TTC17: variants seen among roughly 807,000 people sequenced by gnomAD.
TTC17 encodes the protein tetratricopeptide repeat protein 17.
A neutral mutation model predicts 143.8 loss-of-function variants in TTC17; 58 were observed. The observed-to-expected ratio is 0.40, with a 90% CI of 0.33 to 0.50. The LOEUF (loss-of-function observed/expected upper bound fraction) is 0.50, where lower values mean the gene tolerates loss of function less well. TTC17 is among the 20% of genes least tolerant of loss of function. The pLI, the probability that TTC17 is intolerant of heterozygous loss-of-function variation, is 0.49. For missense variants in TTC17, 1,273 were observed against 1,392.5 expected, an observed-to-expected ratio of 0.91 and a Z score of 1.37; for synonymous variants, 501 against 497.8, an observed-to-expected ratio of 1.01 and a Z score of -0.09.
At chr11:43,484,884 C>G (rs540576456) in intron 21 of TTC17, among the ~76,000 whole-genome samples, 1 of 152,074 alleles carries the variant, frequency 6.6e-6, no homozygotes, top group African/African-American at 2.4e-5. Flanking sequence ...TTTACAGCCA[C>G]TCCCCATCGC....
intron 2 of TTC17, among the ~76,000 whole-genome samples, chr11:43,382,298 G>A (rs997147426): frequency 6.6e-6 from 1 of 152,154 alleles, no homozygotes; most frequent in Non-Finnish European, 1.5e-5. Flanking sequence ...ATTTCTGCAA[G>A]AAGAAAAGTA....
At chr11:43,408,528 G>T (rs1858249543) in intron 15 of TTC17, among the ~76,000 whole-genome samples, 1 of 152,152 alleles carries the variant, frequency 6.6e-6, no homozygotes. Context: ...GCGCAATGCA[G>T]CCGTATTCCC....
chr11:43,379,344 G>A, intron 2 of TTC17, 22 bp downstream of exon 2: 1 of 1,574,760 alleles, frequency 6.4e-7, no homozygotes, highest in Non-Finnish European at 8.7e-7. Context: ...GGGCATGTGA[G>A]ATGCAGCTGA....
chr11:43,453,019 T>C (rs1341353221), intron 21 of TTC17, among the ~76,000 whole-genome samples: 2 of 152,072 alleles, frequency 1.3e-5, no homozygotes, highest in South Asian at 2.1e-4. Context: ...AAACAGGAGA[T>C]AGAAAACTGA....
At chr11:43,459,399 A>C (rs1245007108) in intron 21 of TTC17, among the ~76,000 whole-genome samples, 1 of 152,082 alleles carries the variant, frequency 6.6e-6, no homozygotes, top group Non-Finnish European at 1.5e-5. Flanking sequence ...TTTCCATGAG[A>C]AATGTCCTCT....
intron 21 of TTC17, among the ~76,000 whole-genome samples, chr11:43,463,108 G>T (rs747103554): frequency 2.0e-4 from 30 of 151,806 alleles, no homozygotes; most frequent in Non-Finnish European, 3.5e-4. Context: ...TAGAGACGGG[G>T]TTTCACCATA....
chr11:43,377,904 T>G (rs1204837252), intron 1 of TTC17, among the ~76,000 whole-genome samples: 2 of 152,000 alleles, frequency 1.3e-5, no homozygotes, highest in Non-Finnish European at 1.5e-5. Flanking sequence ...TTTGTTTTGT[T>G]TTGTTTTTTG....
At chr11:43,421,266 CAGAG>C (rs1170210225) in intron 16 of TTC17, among the ~76,000 whole-genome samples, 1 of 152,044 alleles carries the variant, frequency 6.6e-6, no homozygotes, top group African/African-American at 2.4e-5. Context: ...GCATTTCAGG[CAGAG>C]AGAATAGCAT....
intron 16 of TTC17, among the ~76,000 whole-genome samples, chr11:43,426,874 C>T (rs1179796569): frequency 6.6e-6 from 1 of 152,140 alleles, no homozygotes; most frequent in African/African-American, 2.4e-5. Context: ...GCCTGATAAG[C>T]CCAAAAAGTG....
chr11:43,486,367 A>T (rs1356091462), intron 21 of TTC17: 2 of 440,626 alleles, frequency 4.5e-6, no homozygotes, highest in Admixed American at 4.8e-5. Flanking sequence ...TCATTATCAG[A>T]TTGAAAAAAA....
chr11:43,474,399 G>GT (rs1186717340), intron 21 of TTC17, among the ~76,000 whole-genome samples: 1 of 152,244 alleles, frequency 6.6e-6, no homozygotes. Flanking sequence ...TTTTTAAATG[G>GT]TTTTCCATAG....
chr11:43,377,372 A>G (rs1363127640), intron 1 of TTC17, among the ~76,000 whole-genome samples: 2 of 152,216 alleles, frequency 1.3e-5, no homozygotes, highest in Non-Finnish European at 2.9e-5. Flanking sequence ...GTTATTTGGC[A>G]TATAACTGTA....
At chr11:43,390,638 TAAATAA>T (rs1368897906) in intron 3 of TTC17, among the ~76,000 whole-genome samples, 1 of 139,014 alleles carries the variant, frequency 7.2e-6, no homozygotes, top group Non-Finnish European at 1.6e-5. Context: ...AAATAAAAAA[TAAATAA>T]AAATAAAAAA....
At chr11:43,489,096 A>G (rs1002198851) in intron 21 of TTC17, among the ~76,000 whole-genome samples, 1 of 152,228 alleles carries the variant, frequency 6.6e-6, no homozygotes, top group Admixed American at 6.5e-5. Context: ...AATCTACATC[A>G]CACAAAGTAC....
intron 21 of TTC17, among the ~76,000 whole-genome samples, chr11:43,462,944 C>A (rs1947898415): frequency 1.1e-5 from 1 of 88,344 alleles, no homozygotes; most frequent in African/African-American, 8.3e-5. Flanking sequence ...GAGACAGAGT[C>A]TCACTCTATT....
At chr11:43,366,004 T>C (rs568829895) in intron 1 of TTC17, among the ~76,000 whole-genome samples, 3 of 151,374 alleles carry the variant, frequency 2.0e-5, no homozygotes, top group African/African-American at 7.3e-5. Flanking sequence ...TTTTTTGAGA[T>C]GGAGTCTTGC....
chr11:43,442,509 A>G (rs932114141), intron 16 of TTC17, among the ~76,000 whole-genome samples: 13 of 152,234 alleles, frequency 8.5e-5, no homozygotes, highest in Non-Finnish European at 1.6e-4. Context: ...AGCCAATTCA[A>G]AATAAACAGG....
chr11:43,376,098 G>C (rs1856755974), intron 1 of TTC17, among the ~76,000 whole-genome samples: 1 of 152,184 alleles, frequency 6.6e-6, no homozygotes, highest in Non-Finnish European at 1.5e-5. Context: ...AAATGCTGCA[G>C]TGAACTCAAA....
chr11:43,451,371 A>G (rs1171603002), intron 21 of TTC17, 106 bp downstream of exon 21: 1 of 945,626 alleles, frequency 1.1e-6, no homozygotes, highest in Non-Finnish European at 1.7e-6. Flanking sequence ...GTTACTTAGC[A>G]CTTGGTGGCT....
Sources: gnomAD v4.1 joint callset for allele counts (sites outside exome capture counted in the v4.1 genomes callset) on GRCh38, gnomAD v4.1.1 for gene constraint, MANE v1.5 for transcripts, NCBI Gene and HGNC (gene_info 2026-07-23, HGNC 2026-07-21) for gene names.